Variants in PRDM5 observed in about 807,000 individuals in gnomAD.
PRDM5 encodes the protein PR/SET domain 5.
Under a neutral mutation model 81.2 loss-of-function variants are expected in PRDM5, and 56 were observed. That is an observed-to-expected ratio of 0.69 (90% CI 0.56 to 0.86). The LOEUF (loss-of-function observed/expected upper bound fraction) is 0.86. Among genes scored for constraint, PRDM5 ranks in the 40% least tolerant of loss-of-function variants. The pLI, the probability that PRDM5 is intolerant of heterozygous loss-of-function variation, is 0.00. For synonymous variants in PRDM5, 267 were observed against 256.4 expected (o/e 1.04, Z -0.39); for missense variants, 697 against 770.1 (o/e 0.91, Z 1.12).
At chr4:120,866,559 A>G (rs1302162574) in intron 2 of PRDM5, among the ~76,000 whole-genome samples, 1 of 152,198 alleles carries the variant, frequency 6.6e-6, no homozygotes, top group Non-Finnish European at 1.5e-5. Context: ...AAACAACTCT[A>G]TGAGGTAAGT....
chr4:120,782,913 T>C (rs1230394566), intron 11 of PRDM5, among the ~76,000 whole-genome samples: 5 of 152,128 alleles, frequency 3.3e-5, no homozygotes, highest in Non-Finnish European at 7.4e-5. Flanking sequence ...CATCAAGCTA[T>C]AGCAAGGAAG....
At chr4:120,843,568 C>T (rs960961499) in intron 3 of PRDM5, among the ~76,000 whole-genome samples, 3 of 151,494 alleles carry the variant, frequency 2.0e-5, no homozygotes, top group Non-Finnish European at 2.9e-5. Context: ...GATGGGCATG[C>T]TGGCACATGC....
At chr4:120,812,003 T>C (rs1753907561) in intron 7 of PRDM5, among the ~76,000 whole-genome samples, 1 of 152,096 alleles carries the variant, frequency 6.6e-6, no homozygotes, top group Admixed American at 6.5e-5. Flanking sequence ...CTATTAACTA[T>C]CCCATTTTAT....
intron 3 of PRDM5, among the ~76,000 whole-genome samples, chr4:120,831,190 T>A (rs924126544): frequency 1.3e-5 from 2 of 152,192 alleles, no homozygotes; most frequent in East Asian, 1.9e-4. Flanking sequence ...AACAAGTGAT[T>A]AGAGGGCGGA....
chr4:120,703,235 G>T (rs905509018), intron 15 of PRDM5, among the ~76,000 whole-genome samples: 5 of 152,100 alleles, frequency 3.3e-5, no homozygotes, highest in African/African-American at 1.2e-4. Context: ...ACCCAGGCTG[G>T]AGTGCAGTGG....
In PRDM5 at chr4:120,922,456, T is replaced by C. The variant is rs113037077; in HGVS notation, c.93+60A>G. On this transcript the variant is annotated intron_variant, in intron 1 of 15. Coordinates refer to ENST00000264808, the MANE Select transcript of PRDM5 (RefSeq NM_018699.4). ...GCCCCGGGCCCTGCGGCAGGGCGAC[T>C]CCGGGAGGCACAGGGCGCGCGAGGT... is the stretch of plus-strand genomic sequence containing the variant. 0.049 allele frequency: 66,294 copies of C among 1,356,446 alleles called. 1,738 individuals are homozygous for C. Among genetic ancestry groups the C allele is most frequent in the African/African-American group, 0.067 (4,421 of 66,474 alleles). The allele number at this position is 1,356,446 out of a possible 1,614,324, so 84.0% of individuals were successfully genotyped here. A position where few individuals can be genotyped will look rare whatever the true frequency, so the allele number is the denominator to read the frequency against.
intron 14 of PRDM5, among the ~76,000 whole-genome samples, chr4:120,747,425 T>C (rs1027423444): frequency 6.6e-6 from 1 of 151,882 alleles, no homozygotes; most frequent in Non-Finnish European, 1.5e-5. Context: ...CCTAAAACTT[T>C]AAGTATAATA....
intron 15 of PRDM5, among the ~76,000 whole-genome samples, chr4:120,703,631 C>T (rs1735694257): frequency 1.3e-5 from 2 of 152,122 alleles, no homozygotes; most frequent in South Asian, 4.2e-4. Flanking sequence ...TTCCAGGAGC[C>T]ACTCTTAGCA....
At chr4:120,878,886 C>G (rs551404735) in intron 2 of PRDM5, among the ~76,000 whole-genome samples, 1 of 152,290 alleles carries the variant, frequency 6.6e-6, no homozygotes, top group African/African-American at 2.4e-5. Flanking sequence ...ACTGACAACA[C>G]CAAATGCTGA....
At chr4:120,897,378 T>A (rs891091001) in intron 2 of PRDM5, among the ~76,000 whole-genome samples, 1 of 152,220 alleles carries the variant, frequency 6.6e-6, no homozygotes, top group Admixed American at 6.5e-5. Context: ...TCTCCTTTTT[T>A]TTCTAGCTGC....
intron 8 of PRDM5, among the ~76,000 whole-genome samples, chr4:120,807,157 C>T (rs548907015): frequency 4.1e-4 from 63 of 152,218 alleles, no homozygotes; most frequent in Admixed American, 7.2e-4. Context: ...GAGATACCAT[C>T]TCACACCAGT....
intron 2 of PRDM5, among the ~76,000 whole-genome samples, chr4:120,891,179 T>C (rs528464293): frequency 6.6e-6 from 1 of 152,216 alleles, no homozygotes; most frequent in East Asian, 1.9e-4. Flanking sequence ...TTCTGGTTTT[T>C]AGGCTTTTTA....
chr4:120,888,582 G>A (rs1388909497), intron 2 of PRDM5, among the ~76,000 whole-genome samples: 1 of 152,098 alleles, frequency 6.6e-6, no homozygotes, highest in Non-Finnish European at 1.5e-5. Context: ...GTAGGTTCTT[G>A]TACAAATCTT....
intron 2 of PRDM5, among the ~76,000 whole-genome samples, chr4:120,907,133 A>C (rs887124679): frequency 1.3e-5 from 2 of 152,000 alleles, no homozygotes; most frequent in Non-Finnish European, 2.9e-5. Context: ...TCAGAAGTTC[A>C]AGACCAGCCT....
At chr4:120,740,331 C>T (rs1741734595) in intron 14 of PRDM5, among the ~76,000 whole-genome samples, 1 of 152,144 alleles carries the variant, frequency 6.6e-6, no homozygotes, top group African/African-American at 2.4e-5. Flanking sequence ...ATAAACTATT[C>T]TTAAAAGTTA....
chr4:120,871,972 G>A (rs1761849955), intron 2 of PRDM5, among the ~76,000 whole-genome samples: 1 of 151,608 alleles, frequency 6.6e-6, no homozygotes, highest in Non-Finnish European at 1.5e-5. Context: ...CCGACATGGT[G>A]AAACCCCATC....
At chr4:120,901,302 C>G (rs1184967517) in intron 2 of PRDM5, among the ~76,000 whole-genome samples, 1 of 152,092 alleles carries the variant, frequency 6.6e-6, no homozygotes, top group African/African-American at 2.4e-5. Flanking sequence ...AAACTGCCCA[C>G]AAAAATAAAT....
intron 13 of PRDM5, among the ~76,000 whole-genome samples, chr4:120,768,175 T>C (rs1254515133): frequency 1.3e-5 from 2 of 152,204 alleles, no homozygotes; most frequent in Non-Finnish European, 2.9e-5. Context: ...TATTTCCTCA[T>C]CTTTTATACT....
At chr4:120,743,766 C>G (rs1214966427) in intron 14 of PRDM5, among the ~76,000 whole-genome samples, 1 of 124,392 alleles carries the variant, frequency 8.0e-6, no homozygotes, top group Admixed American at 8.5e-5. Context: ...ACAGGAGCAC[C>G]CAGATTCATA....
Sources: gnomAD v4.1 joint callset for allele counts (sites outside exome capture counted in the v4.1 genomes callset) on GRCh38, gnomAD v4.1.1 for gene constraint, MANE v1.5 for transcripts, NCBI Gene and HGNC (gene_info 2026-07-23, HGNC 2026-07-21) for gene names.